TGFBR3: variants seen among roughly 807,000 people sequenced by gnomAD.
TGFBR3 encodes the protein transforming growth factor beta receptor 3.
A neutral mutation model predicts 87.9 loss-of-function variants in TGFBR3; 46 were observed. That is an observed-to-expected ratio of 0.52 (90% confidence interval 0.41 to 0.67). TGFBR3 has a LOEUF of 0.67. Ranked by LOEUF, TGFBR3 falls within the 30% of genes least tolerant of loss-of-function variation. The pLI, the probability that TGFBR3 is intolerant of heterozygous loss-of-function variation, is 0.00. For missense variants in TGFBR3, 866 were observed against 1,041.9 expected (o/e 0.83, Z 2.32); for synonymous variants, 381 against 391.6 (o/e 0.97, Z 0.32).
intron 2 of TGFBR3, among the ~76,000 whole-genome samples, chr1:91,830,327 C>T (rs900682991): frequency 2.0e-5 from 3 of 152,150 alleles, no homozygotes; most frequent in Non-Finnish European, 2.9e-5. Flanking sequence ...CAGAATACTT[C>T]CTGGCTACTT....
At chr1:91,864,608 A>C (rs2859586) in intron 1 of TGFBR3, among the ~76,000 whole-genome samples, 2 of 152,164 alleles carry the variant, frequency 1.3e-5, no homozygotes, top group Admixed American at 1.3e-4. Context: ...GTGGTGAAAG[A>C]TTCCCAAGGC....
At chr1:91,720,689 A>G (rs1192775564) in intron 8 of TGFBR3, among the ~76,000 whole-genome samples, 1 of 152,242 alleles carries the variant, frequency 6.6e-6, no homozygotes, top group East Asian at 1.9e-4. Flanking sequence ...TGGAACAGAC[A>G]GTTTCTAAGG....
In TGFBR3 at chr1:91,716,623, G is replaced by A. The variant is rs757667211; in HGVS notation, c.1652C>T (p.Pro551Leu). ...EDLESGDNGFPGDMDEGDASL... is the reference protein window; with the variant it reads ...EDLESGDNGFLGDMDEGDASL... Reference sequence around the variant, plus strand: ...AGCATCTCCTTCATCCATATCTCCCGGAAATCCATTATCACCTGACTCCAG... The same window carrying A: ...AGCATCTCCTTCATCCATATCTCCCAGAAATCCATTATCACCTGACTCCAG... The change falls in exon 11 of 17, where the codon CCG becomes CTG. Residue 551 changes from proline to leucine, a missense_variant. Transcript: ENST00000212355. 1.6e-5 allele frequency: 26 copies of A among 1,613,966 alleles called. No individual in the cohort carries two copies. Among genetic ancestry groups the A allele is most frequent in the Admixed American group, 1.3e-4 (8 of 60,006 alleles).
Position 91,797,328 on chromosome 1 carries a change from G to C in TGFBR3, c.205C>G (p.Leu69Val), listed in dbSNP as rs755614260. The C allele has an allele frequency of 1.9e-6, 3 of 1,614,234 alleles. No individual in the cohort carries two copies. The highest frequency in any genetic ancestry group is 2.5e-6 in the Non-Finnish European group (3 of 1,180,046). ...CCAGGCCCCTGGCCTGCAGTGCGGA[G>C]ATTCAGGACATGCACCTCCTGTGGC... Reference protein sequence around the residue: ...GLPQEVHVLNLRTAGQGPGQL... With the variant: ...GLPQEVHVLNVRTAGQGPGQL... Residue 69 changes from leucine (L) to valine (V), a missense_variant, in exon 3 of 17, where the codon CTC (leucine) becomes GTC (valine). Coordinates refer to ENST00000212355, the MANE Select transcript of TGFBR3 (RefSeq NM_003243.5).
chr1:91,781,190 A>G (rs12096228), intron 3 of TGFBR3, among the ~76,000 whole-genome samples: 1,981 of 152,304 alleles, frequency 0.013, 54 homozygotes, highest in African/African-American at 0.045. Context: ...CACATGTAAT[A>G]ATATCGTTTC....
At chr1:91,754,813 A>C (rs1212888629) in intron 4 of TGFBR3, among the ~76,000 whole-genome samples, 1 of 152,224 alleles carries the variant, frequency 6.6e-6, no homozygotes, top group Non-Finnish European at 1.5e-5. Flanking sequence ...AACAACACAG[A>C]CATGTCCATT....
At chr1:91,808,905 C>T (rs1675932252) in intron 2 of TGFBR3, among the ~76,000 whole-genome samples, 1 of 152,102 alleles carries the variant, frequency 6.6e-6, no homozygotes, top group African/African-American at 2.4e-5. Context: ...CTAATTGGCT[C>T]AGAACAGAGA....
chr1:91,871,353 T>G (rs1214318348), intron 1 of TGFBR3, among the ~76,000 whole-genome samples: 1 of 152,200 alleles, frequency 6.6e-6, no homozygotes, highest in Non-Finnish European at 1.5e-5. Context: ...AGTTTTAGTT[T>G]ACTTCATTCA....
intron 3 of TGFBR3, chr1:91,786,077 T>A (rs1252442375): frequency 5.3e-6 from 2 of 378,752 alleles, no homozygotes; most frequent in South Asian, 2.0e-5. Flanking sequence ...TGCAAATTTT[T>A]AAAATATATT....
chr1:91,782,195 GC>G (rs1674795740), intron 3 of TGFBR3, among the ~76,000 whole-genome samples: 3 of 152,272 alleles, frequency 2.0e-5, no homozygotes, highest in Admixed American at 2.0e-4. Context: ...AAGAAGCAGA[GC>G]CCCCTGGCCA....
chr1:91,683,746 G>A lies in TGFBR3; in HGVS notation c.2549C>T (p.Thr850Met), dbSNP rs147885293. Reference protein sequence around the residue: ...TQSTPCSSSSTA With the variant: ...TQSTPCSSSSMA ...GGGTTGGGCTGGGTTGGGCTAGGCC[G>A]TGCTGCTGCTGGAGCAAGGCGTGCT... The change falls in exon 17 of 17, where the codon ACG becomes ATG. Residue 850 changes from threonine to methionine, a missense_variant. Transcript: ENST00000212355. The A allele has an allele frequency of 3.2e-5, 50 of 1,572,220 alleles. No homozygotes were observed. The highest frequency in any genetic ancestry group is 8.1e-5 in the South Asian group (7 of 86,528).
chr1:91,859,046 G>A lies in TGFBR3; in HGVS notation c.61+2425C>T, dbSNP rs572884172. Among the ~76,000 whole-genome samples, 9 of 150,180 alleles carry A rather than the reference G, an allele frequency of 6.0e-5. No homozygotes were observed. The East Asian group carries it at 9.7e-4, about 16-fold the overall frequency. ...CTCCAGCCTGGGTGACACACAGAGC[G>A]AGACTCTGTATCAAAAAAAAAAAAA... On this transcript the variant is annotated intron_variant, in intron 2 of 16. Transcript: ENST00000212355.
intron 3 of TGFBR3, among the ~76,000 whole-genome samples, chr1:91,797,085 T>C (rs1441655140): frequency 6.6e-6 from 1 of 152,088 alleles, no homozygotes; most frequent in Non-Finnish European, 1.5e-5. Flanking sequence ...GGCCAGGAAA[T>C]GGGGAGAGCC....
intron 2 of TGFBR3, among the ~76,000 whole-genome samples, chr1:91,812,582 C>G (rs1321977298): frequency 1.3e-5 from 2 of 152,058 alleles, no homozygotes; most frequent in Non-Finnish European, 2.9e-5. Flanking sequence ...CTATATCTAC[C>G]AAATGGTCCC....
At chr1:91,802,521 C>A (rs1433313306) in intron 2 of TGFBR3, among the ~76,000 whole-genome samples, 3 of 151,984 alleles carry the variant, frequency 2.0e-5, no homozygotes, top group Non-Finnish European at 4.4e-5. Flanking sequence ...CCATCACACC[C>A]AGCTAATTTT....
At chr1:91,709,386 T>C (rs1435231643) in intron 13 of TGFBR3, among the ~76,000 whole-genome samples, 1 of 152,254 alleles carries the variant, frequency 6.6e-6, no homozygotes, top group Non-Finnish European at 1.5e-5. Context: ...AAGTGTTGAA[T>C]AGCTCACATA....
chr1:91,735,389 G>A (rs1289317489), intron 4 of TGFBR3, among the ~76,000 whole-genome samples: 2 of 152,174 alleles, frequency 1.3e-5, no homozygotes, highest in Non-Finnish European at 1.5e-5. Flanking sequence ...AACTGATCAC[G>A]ACTTTCAGGT....
At chr1:91,779,805 G>C (rs1674699084) in intron 3 of TGFBR3, among the ~76,000 whole-genome samples, 1 of 152,164 alleles carries the variant, frequency 6.6e-6, no homozygotes, top group African/African-American at 2.4e-5. Context: ...GGGTGGCTTA[G>C]AACAACAGAA....
chr1:91,774,899 A>G (rs1674516275), intron 3 of TGFBR3, among the ~76,000 whole-genome samples: 1 of 152,230 alleles, frequency 6.6e-6, no homozygotes, highest in Non-Finnish European at 1.5e-5. Context: ...ATCACTGGTA[A>G]AAGTCTGAAA....
Sources: gnomAD v4.1 joint callset for allele counts (sites outside exome capture counted in the v4.1 genomes callset) on GRCh38, gnomAD v4.1.1 for gene constraint, MANE v1.5 for transcripts, NCBI Gene and HGNC (gene_info 2026-07-23, HGNC 2026-07-21) for gene names.